The following NCAPH2 variants were observed in gnomAD, a reference collection of about 807,000 sequenced individuals.
NCAPH2 encodes the protein non-SMC condensin II complex subunit H2.
A neutral mutation model predicts 88.6 loss-of-function variants in NCAPH2; 56 were observed. That is an observed-to-expected ratio of 0.63 (90% CI 0.51 to 0.79). The LOEUF is 0.79. Ranked by LOEUF, NCAPH2 falls within the 30% of genes least tolerant of loss-of-function variation. The pLI, the probability that NCAPH2 is intolerant of heterozygous loss-of-function variation, is 0.00. For missense variants in NCAPH2, 794 were observed against 792.0 expected (o/e 1.00, Z -0.03); for synonymous variants, 378 against 313.6 (o/e 1.21, Z -2.17).
Position 50,524,650 on chromosome 22 carries a change from T to A in NCAPH2, c.*1275T>A. ...TGTCCTCTACCTGGGATCACCAGCC[T>A]GTCACCGCACCCTGCCCTGCACCTG... On this transcript the variant is annotated 3_prime_UTR_variant, in exon 20 of 20. Coordinates refer to ENST00000420993, the MANE Select transcript of NCAPH2 (RefSeq NM_152299.4). 1 of 697,292 alleles carries A rather than the reference T, an allele frequency of 1.4e-6. No homozygotes were observed. Among genetic ancestry groups the A allele is most frequent in the Non-Finnish European group, 2.7e-6 (1 of 372,466 alleles). The allele number at this position is 697,292 out of a possible 1,614,324, so 43.2% of individuals were successfully genotyped here.
Position 50,523,462 on chromosome 22 carries a change from T to G in NCAPH2, c.*87T>G. Reference sequence around the variant, plus strand: ...GCTGGCCCGGCCTAATAAAGCAGTGTTGCCATCTCATCTTCCCCCTAAAAA... The same window carrying G: ...GCTGGCCCGGCCTAATAAAGCAGTGGTGCCATCTCATCTTCCCCCTAAAAA... On this transcript the variant is annotated 3_prime_UTR_variant, in exon 20 of 20. Transcript: ENST00000420993. The G allele has an allele frequency of 6.5e-7, 1 of 1,528,318 alleles. No homozygotes were observed. The highest frequency in any genetic ancestry group is 8.8e-7 in the Non-Finnish European group (1 of 1,136,094). 94.7% of individuals were successfully genotyped at this position (1,528,318 alleles called of 1,614,324 possible).
rs776029085 is a variant in NCAPH2 at position 50,522,929 on chromosome 22, C to T, written c.1527+7C>T. On this transcript the variant is annotated splice_region_variant and intron_variant, in intron 18 of 19. Coordinates refer to ENST00000420993, the MANE Select transcript of NCAPH2 (RefSeq NM_152299.4). ...GCCTCTGCTCCAGGAGCAGGTGAGG[C>T]GGGGCCGCTGGGAACCAGAGCTGTG... 1.4e-5 allele frequency: 23 copies of T among 1,612,466 alleles called. No homozygotes were observed. The highest frequency in any genetic ancestry group is 8.3e-5 in the Admixed American group (5 of 59,984).
At position 50,518,409 on chromosome 22, in the gene NCAPH2, A is replaced by G. The variant is rs2068990036; in HGVS notation, c.646+131A>G. 4 of 1,353,892 alleles carry G rather than the reference A, an allele frequency of 3.0e-6. No homozygotes were observed. In the East Asian group the frequency reaches 9.8e-5, roughly 33 times the overall value. 83.9% of individuals were successfully genotyped at this position (1,353,892 alleles called of 1,614,324 possible). On this transcript the variant is annotated intron_variant, in intron 7 of 19. Coordinates refer to ENST00000420993, the MANE Select transcript of NCAPH2 (RefSeq NM_152299.4). ...TGTCTCTGGGTGCCTGCTCTAGTCT[A>G]GACAGGTTGGCTGGTGCTCATCCCA...
In NCAPH2 at chr22:50,523,238, A is replaced by G. The variant is rs1311823359; in HGVS notation, c.1681A>G (p.Asn561Asp). The G allele has an allele frequency of 1.2e-6, 2 of 1,613,216 alleles. No homozygotes were observed. The highest frequency in any genetic ancestry group is 8.5e-7 in the Non-Finnish European group (1 of 1,179,786). Residue 561 changes from asparagine to aspartate, a missense_variant, in exon 20 of 20, where the codon AAT (asparagine) becomes GAT (aspartate). Transcript: ENST00000420993. ...RSMLASLQLA[N>D]DYTVEITQQP... is the part of the protein sequence containing the mutation. ...TGCTGATGTGCCACCCCTGCAGGCC[A>G]ATGACTACACAGTGGAGATAACCCA...
In NCAPH2 at chr22:50,523,480, C is replaced by T. The variant is rs2069180117; in HGVS notation, c.*105C>T. 2.0e-6 allele frequency: 3 copies of T among 1,533,366 alleles called. No homozygotes were observed. Among genetic ancestry groups the T allele is most frequent in the South Asian group, 2.4e-5 (2 of 83,794 alleles). 95.0% of individuals were successfully genotyped at this position (1,533,366 alleles called of 1,614,324 possible). A position where few individuals can be genotyped will look rare whatever the true frequency, so the allele number is the denominator to read the frequency against. On this transcript the variant is annotated 3_prime_UTR_variant, in exon 20 of 20. Coordinates refer to ENST00000420993, the MANE Select transcript of NCAPH2 (RefSeq NM_152299.4). The stretch of plus-strand genomic sequence containing the variant: ...AGCAGTGTTGCCATCTCATCTTCCC[C>T]CTAAAAACCCTTTTATGTACACCTG...
At chr22:50,521,076 G>A in intron 10 of NCAPH2, 40 bp downstream of exon 10, 2 of 1,544,866 alleles carry the variant, frequency 1.3e-6, no homozygotes, top group Non-Finnish European at 1.7e-6. Context: ...AGGGAGGGAT[G>A]GGCGGATTCG....
chr22:50,509,450 A>C (rs1295644249), intron 1 of NCAPH2, among the ~76,000 whole-genome samples: 2 of 152,204 alleles, frequency 1.3e-5, no homozygotes, highest in African/African-American at 4.8e-5. Flanking sequence ...CAAAAGCAAA[A>C]GCTAAATGTG....
intron 2 of NCAPH2, 60 bp from the exon 3 acceptor site, chr22:50,517,367 G>T: frequency 1.3e-6 from 2 of 1,571,904 alleles, no homozygotes; most frequent in South Asian, 2.2e-5. Flanking sequence ...GGATAGCTGG[G>T]AAGGCCTTGG....
At chr22:50,519,391 C>G in intron 9 of NCAPH2, 71 bp downstream of exon 9, 1 of 1,588,952 alleles carries the variant, frequency 6.3e-7, no homozygotes, top group East Asian at 2.3e-5. Context: ...GCCGAGTCAC[C>G]TTGCACAAGG....
Position 50,517,969 on chromosome 22 carries a change from G to A in NCAPH2, c.421-4G>A. ...TGGCTCACCCACCCTTGGCCTCCATGCAGGAGGTCCTCATCATCCCCCTCC... is the reference window on the plus strand; with the variant it reads ...TGGCTCACCCACCCTTGGCCTCCATACAGGAGGTCCTCATCATCCCCCTCC... On this transcript the variant is annotated splice_polypyrimidine_tract_variant and splice_region_variant and intron_variant, in intron 5 of 19. Coordinates refer to ENST00000420993, the MANE Select transcript of NCAPH2 (RefSeq NM_152299.4). 1 of 1,612,804 alleles carries A rather than the reference G, an allele frequency of 6.2e-7. No individual in the cohort carries two copies. Among genetic ancestry groups the A allele is most frequent in the Non-Finnish European group, 8.5e-7 (1 of 1,179,332 alleles).
At chr22:50,510,639 C>T (rs2068757517) in intron 1 of NCAPH2, among the ~76,000 whole-genome samples, 1 of 152,000 alleles carries the variant, frequency 6.6e-6, no homozygotes, top group Non-Finnish European at 1.5e-5. Flanking sequence ...ATTGGCCAGG[C>T]TGGTCTCAAA....
chr22:50,523,532 C>A lies in NCAPH2; in HGVS notation c.*157C>A. The A allele has an allele frequency of 6.4e-7, 1 of 1,571,818 alleles. No homozygotes were observed. The highest frequency in any genetic ancestry group is 8.7e-7 in the Non-Finnish European group (1 of 1,155,360). On this transcript the variant is annotated 3_prime_UTR_variant, in exon 20 of 20. Transcript: ENST00000420993. ...GCAGAGAAGAGGGCTGCCTGGCCTC[C>A]CTGGGCCGCTGGTACAGATCACACA... is the stretch of plus-strand genomic sequence containing the variant.
chr22:50,515,962 C>T (rs547455472), intron 1 of NCAPH2, among the ~76,000 whole-genome samples: 8 of 151,708 alleles, frequency 5.3e-5, no homozygotes, highest in South Asian at 2.1e-4. Flanking sequence ...GGCGCACTGA[C>T]GTTTAAGGGG....
At chr22:50,519,649 T>G in intron 9 of NCAPH2, 1 of 1,163,532 alleles carries the variant, frequency 8.6e-7, no homozygotes, top group Non-Finnish European at 1.1e-6. Flanking sequence ...TAGGAGGGAG[T>G]GTCTGGAGGC....
Position 50,521,001 on chromosome 22 carries a change from C to A in NCAPH2, c.898C>A (p.Arg300=), listed in dbSNP as rs558685651. The change falls in exon 10 of 20, where the codon CGG becomes AGG. Residue 300 remains arginine (R), a synonymous_variant. Coordinates refer to ENST00000420993, the MANE Select transcript of NCAPH2 (RefSeq NM_152299.4). ...GCCCAGGAGGTACATGCTGCGGGAG[C>A]GGGAGGGGGCCCCAGAGCCTGCATC... The part of the protein sequence containing the change: ...ALPRRYMLRE[R]EGAPEPASCV... 3.2e-6 allele frequency: 5 copies of A among 1,550,744 alleles called. No homozygotes were observed. The African/African-American group carries it at 6.8e-5, about 21-fold the overall frequency.
At chr22:50,521,956 C>T (rs766750929) in intron 12 of NCAPH2, 30 bp from the exon 13 acceptor site, 3 of 1,613,846 alleles carry the variant, frequency 1.9e-6, no homozygotes, top group Non-Finnish European at 2.5e-6. Context: ...AGCTCTTGGC[C>T]TGGCTGGTGC....
rs779998239 is a variant in NCAPH2, at chr22:50,508,333, C to A, written c.-5C>A. Reference sequence around the variant, plus strand: ...GGTCCCTTTGCCGCCCGTTCCCTCCCGGACATGGAGGACGTGGAGGCGCGC... The same window carrying A: ...GGTCCCTTTGCCGCCCGTTCCCTCCAGGACATGGAGGACGTGGAGGCGCGC... On this transcript the variant is annotated 5_prime_UTR_variant, in exon 1 of 20. Transcript: ENST00000420993. 6.7e-7 allele frequency: 1 copy of A among 1,484,244 alleles called. No individual in the cohort carries two copies. Among genetic ancestry groups the A allele is most frequent in the Non-Finnish European group, 8.9e-7 (1 of 1,120,632 alleles). The allele number at this position is 1,484,244 out of a possible 1,614,324, so 91.9% of individuals were successfully genotyped here. A position where few individuals can be genotyped will look rare whatever the true frequency, so the allele number is the denominator to read the frequency against.
intron 9 of NCAPH2, chr22:50,519,536 CCT>C: frequency 7.4e-7 from 1 of 1,357,590 alleles, no homozygotes; most frequent in Non-Finnish European, 9.5e-7. Flanking sequence ...AACTGATGCT[CCT>C]CAGAGTAGTG....
At chr22:50,521,683 A>G in intron 11 of NCAPH2, 58 bp from the exon 12 acceptor site, 1 of 1,608,452 alleles carries the variant, frequency 6.2e-7, no homozygotes, top group South Asian at 1.1e-5. Flanking sequence ...GGGGGGTGGG[A>G]GTGGGCTTTG....
Sources: allele counts gnomAD v4.1 joint callset (sites outside exome capture counted in the v4.1 genomes callset), GRCh38; gene constraint gnomAD v4.1.1; transcripts MANE v1.5; gene names NCBI Gene and HGNC (gene_info 2026-07-23, HGNC 2026-07-21).